DST: variants seen among roughly 807,000 people sequenced by gnomAD.
DST encodes the protein dystonin, also known as bullous pemphigoid antigen.
In DST, 253 loss-of-function variants were observed where a neutral mutation model predicts 875.2. The ratio of observed to expected loss-of-function variants is 0.29; its 90% CI spans 0.26 to 0.32. The LOEUF (loss-of-function observed/expected upper bound fraction) is 0.32. Among genes scored for constraint, DST ranks in the 10% least tolerant of loss-of-function variants. DST has a pLI of 1.00. For missense variants in DST, 8,287 were observed against 9,111.6 expected (o/e 0.91, Z 3.68); for synonymous variants, 3,124 against 3,197.1 (o/e 0.98, Z 0.77).
intron 3 of DST, among the ~76,000 whole-genome samples, chr6:56,855,530 C>G (rs1226986052): frequency 6.6e-6 from 1 of 152,208 alleles, no homozygotes; most frequent in Non-Finnish European, 1.5e-5. Context: ...GGAGTACCTC[C>G]TACTGCCATG....
chr6:56,478,239 A>C (rs529491729), intron 90 of DST, among the ~76,000 whole-genome samples: 5 of 152,336 alleles, frequency 3.3e-5, no homozygotes, highest in Admixed American at 6.5e-5. Flanking sequence ...GGCAGCATGA[A>C]TAAAAAAGTA....
At chr6:56,920,814 G>A (rs933977866) in intron 2 of DST, among the ~76,000 whole-genome samples, 2 of 138,954 alleles carry the variant, frequency 1.4e-5, no homozygotes, top group Non-Finnish European at 3.0e-5. Flanking sequence ...CTGCAGCCTC[G>A]ACCTCCTGGG....
In DST at chr6:56,704,287, T is replaced by A; in HGVS notation, c.770A>T (p.Asp257Val). ...AAGAAAGTTAAAACTTACCAAGGTA[T>A]CTCCTGAAAGAACCTCTAAAAGAGA... ...LISLLEVLSG[D>V]TLPRERDFLK... The change falls in exon 6 of 104, where the codon GAT becomes GTT. Residue 257 changes from aspartate (D) to valine (V), a missense_variant. This residue lies in a region of DST where 1,160 missense variants were observed against 1,424.3 expected (regional missense o/e 0.81). Transcript: ENST00000680361. The A allele has an allele frequency of 6.7e-7, 1 of 1,497,522 alleles. No individual in the cohort carries two copies. The highest frequency in any genetic ancestry group is 9.1e-7 in the Non-Finnish European group (1 of 1,097,276). The allele number at this position is 1,497,522 out of a possible 1,614,324, so 92.8% of individuals were successfully genotyped here.
chr6:56,611,682 T>A, intron 37 of DST, 86 bp from the exon 38 acceptor site: 1 of 967,630 alleles, frequency 1.0e-6, no homozygotes, highest in Non-Finnish European at 1.5e-6. Context: ...TAATCAAGCT[T>A]TAGTCAAGAC....
At chr6:56,730,993 G>A (rs1563912647) in intron 5 of DST, among the ~76,000 whole-genome samples, 1 of 152,120 alleles carries the variant, frequency 6.6e-6, no homozygotes, top group South Asian at 2.1e-4. Context: ...ATTTTAGCCT[G>A]AAAAATACAA....
chr6:56,554,155 GC>G (rs1473134785), intron 60 of DST, among the ~76,000 whole-genome samples: 1 of 129,718 alleles, frequency 7.7e-6, no homozygotes, highest in Non-Finnish European at 1.5e-5. Flanking sequence ...CGCTATCTCA[GC>G]TCACTGCAAG....
chr6:56,591,961 G>A (rs999512527), intron 49 of DST, among the ~76,000 whole-genome samples: 9 of 124,740 alleles, frequency 7.2e-5, no homozygotes, highest in African/African-American at 2.5e-4. Context: ...CAGCCTACAC[G>A]ATGGAGTGAG....
intron 3 of DST, among the ~76,000 whole-genome samples, chr6:56,891,565 CAAAAAAAAAAA>C (rs531964301): frequency 3.2e-5 from 2 of 62,678 alleles, no homozygotes; most frequent in South Asian, 7.0e-4. Context: ...GACTCCGTCT[CAAAAAAAAAAA>C]AAAAAAAAAA....
intron 3 of DST, among the ~76,000 whole-genome samples, chr6:56,895,126 T>C (rs1790524117): frequency 1.2e-5 from 1 of 80,606 alleles, no homozygotes; most frequent in Non-Finnish European, 2.3e-5. Context: ...GCCCCTCACC[T>C]CCCGGACGGG....
In DST at chr6:56,629,335, G is replaced by A. The variant is rs200316560; in HGVS notation, c.4390C>T (p.Arg1464Trp). Reference sequence around the variant, plus strand: ...TTGTGCCAGTCAAAATCAAGGTCCCGTTCTTTATACGTTTTAAACATTTCA... The same window carrying A: ...TTGTGCCAGTCAAAATCAAGGTCCCATTCTTTATACGTTTTAAACATTTCA... ...SDEMFKTYKE[R>W]DLDFDWHKEK... The change falls in exon 32 of 104, where the codon CGG (arginine) becomes TGG (tryptophan). Residue 1464 changes from arginine (R) to tryptophan (W), a missense_variant. Arg to Trp is a moderately radical substitution (Grantham distance 101). Coordinates refer to ENST00000680361, the MANE Select transcript of DST (RefSeq NM_001374736.1). The A allele has an allele frequency of 1.9e-4, 311 of 1,613,600 alleles. No homozygotes were observed. The highest frequency in any genetic ancestry group is 2.5e-4 in the Non-Finnish European group (296 of 1,179,722).
In DST at chr6:56,572,897, A is replaced by T. The variant is rs897985375; in HGVS notation, c.13404T>A (p.Thr4468=). The change falls in exon 52 of 104, where the codon ACT becomes ACA. Residue 4468 remains threonine (T), a synonymous_variant. Transcript: ENST00000680361. Reference sequence around the variant, plus strand: ...TTTTTAGCTCCTCCATTTTGGCAAGAGTTTCTTTGTGTTTATGACTTGCTT... The same window carrying T: ...TTTTTAGCTCCTCCATTTTGGCAAGTGTTTCTTTGTGTTTATGACTTGCTT... ...FSEASHKHKE[T]LAKMEELKTK... 8.7e-6 allele frequency: 14 copies of T among 1,613,328 alleles called. No homozygotes were observed. The Admixed American group carries it at 1.0e-4, about 12-fold the overall frequency.
intron 3 of DST, among the ~76,000 whole-genome samples, chr6:56,857,493 T>A (rs765209242): frequency 6.6e-6 from 1 of 152,142 alleles, no homozygotes; most frequent in Non-Finnish European, 1.5e-5. Flanking sequence ...TGTAAAGAAG[T>A]CACCAAAGAA....
At chr6:56,798,222 G>A (rs2099742631) in intron 4 of DST, among the ~76,000 whole-genome samples, 1 of 152,122 alleles carries the variant, frequency 6.6e-6, no homozygotes, top group East Asian at 1.9e-4. Context: ...TCTCTTTATT[G>A]GAGATGCCAC....
chr6:56,596,608 C>T lies in DST; in HGVS notation c.12195+1132G>A, dbSNP rs568365932. Among the ~76,000 whole-genome samples, 4 of 152,254 alleles carry T rather than the reference C, an allele frequency of 2.6e-5. No individual in the cohort carries two copies. The South Asian group carries it at 8.3e-4, about 32-fold the overall frequency. The stretch of plus-strand genomic sequence containing the variant: ...TATAATAGCCCGTTAAAATTGTGAG[C>T]AGTAAATACTCCCATTCTTCTTCTG... On this transcript the variant is annotated intron_variant, in intron 47 of 103. Coordinates refer to ENST00000680361, the MANE Select transcript of DST (RefSeq NM_001374736.1).
intron 4 of DST, among the ~76,000 whole-genome samples, chr6:56,784,237 C>T (rs1023270624): frequency 5.9e-5 from 9 of 152,228 alleles, no homozygotes; most frequent in East Asian, 5.8e-4. Context: ...ATCTTTGTGG[C>T]GTTCTCTGTA....
intron 30 of DST, 143 bp downstream of exon 30, chr6:56,631,068 C>T: frequency 3.5e-6 from 1 of 283,502 alleles, no homozygotes; most frequent in Non-Finnish European, 5.6e-6. Context: ...CCGGCATGAG[C>T]CACCACGCCC....
intron 99 of DST, 31 bp downstream of exon 99, chr6:56,466,047 C>G (rs1050334346): frequency 2.0e-6 from 3 of 1,519,790 alleles, no homozygotes; most frequent in Non-Finnish European, 2.7e-6. Context: ...GAAATACTTT[C>G]ATGATGTTAT....
intron 94 of DST, 64 bp from the exon 95 acceptor site, chr6:56,471,332 T>C (rs1042764496): frequency 1.6e-6 from 2 of 1,236,114 alleles, no homozygotes; most frequent in Non-Finnish European, 2.2e-6. Context: ...CTATACTATA[T>C]GAATAACTTT....
rs191194101 is a variant in DST, at chr6:56,842,948, C to T, written c.625+8449G>A. The T allele has an allele frequency of 2.6e-4, 278 of 1,083,886 alleles. 1 individual carries two copies. The Admixed American group carries it at 9.4e-3, about 37-fold the overall frequency. 67.1% of individuals were successfully genotyped at this position (1,083,886 alleles called of 1,614,324 possible). A position where few individuals can be genotyped will look rare whatever the true frequency, so the allele number is the denominator to read the frequency against. On this transcript the variant is annotated intron_variant, in intron 4 of 103. Coordinates refer to ENST00000680361, the MANE Select transcript of DST (RefSeq NM_001374736.1). ...GGTCCATTCCCAAGACTGGTCCAGA[C>T]ACCTGTTTACTCGTGCCCAAGGAGT...
Sources: allele counts gnomAD v4.1 joint callset (sites outside exome capture counted in the v4.1 genomes callset), GRCh38; gene constraint gnomAD v4.1.1; regional missense constraint gnomAD v4.1.1; transcripts MANE v1.5; gene names NCBI Gene and HGNC (gene_info 2026-07-23, HGNC 2026-07-21).